CNTNAP2: variants seen among roughly 807,000 people sequenced by gnomAD.
CNTNAP2 encodes contactin-associated protein-like 2.
Under a neutral mutation model 155.2 loss-of-function variants are expected in CNTNAP2, and 98 were observed. The ratio of observed to expected loss-of-function variants is 0.63; its 90% CI spans 0.54 to 0.75. The LOEUF is 0.75. Among genes scored for constraint, CNTNAP2 ranks in the 30% least tolerant of loss-of-function variants. The pLI is 0.00. For synonymous variants in CNTNAP2, 651 were observed against 631.2 expected (o/e 1.03, Z -0.47); for missense variants, 1,727 against 1,688.1 (o/e 1.02, Z -0.40).
At chr7:147,165,522 G>A (rs1305843026) in intron 8 of CNTNAP2, among the ~76,000 whole-genome samples, 1 of 152,032 alleles carries the variant, frequency 6.6e-6, no homozygotes, top group East Asian at 1.9e-4. Context: ...TGTTTCTGTT[G>A]CATTTGCTTT....
At chr7:146,937,317 C>CTCCA (rs1161704766) in intron 3 of CNTNAP2, among the ~76,000 whole-genome samples, 1 of 150,470 alleles carries the variant, frequency 6.6e-6, no homozygotes, top group Non-Finnish European at 1.5e-5. Flanking sequence ...CGCCACTGCA[C>CTCCA]TCCAGCCTGG....
chr7:147,135,358 A>C (rs35332063), intron 8 of CNTNAP2, among the ~76,000 whole-genome samples: 14,732 of 151,816 alleles, frequency 0.097, 756 homozygotes, highest in Middle Eastern at 0.12. Context: ...GCCAAAAACA[A>C]ACAAACAAAC....
rs149065032 is a variant in CNTNAP2, at chr7:147,180,437, A to C, written c.1348+47928A>C. Among the ~76,000 whole-genome samples, 571 of 152,308 alleles carry C rather than the reference A, an allele frequency of 3.7e-3. 5 individuals are homozygous for C. Among genetic ancestry groups the C allele is most frequent in the African/African-American group, 0.013 (543 of 41,576 alleles). On this transcript the variant is annotated intron_variant, in intron 8 of 23. Coordinates refer to ENST00000361727, the MANE Select transcript of CNTNAP2 (RefSeq NM_014141.6). Reference sequence around the variant, plus strand: ...TTAGATACCAGAAAATCATGAGTTCATACTACAGTCCCTCTGCTGCCCCAT... The same window carrying C: ...TTAGATACCAGAAAATCATGAGTTCCTACTACAGTCCCTCTGCTGCCCCAT...
intron 8 of CNTNAP2, among the ~76,000 whole-genome samples, chr7:147,155,052 G>A (rs1208127047): frequency 6.6e-6 from 1 of 152,082 alleles, no homozygotes; most frequent in South Asian, 2.1e-4. Context: ...AGGTCTGAAT[G>A]TTTCTCCCCA....
chr7:147,989,817 C>G (rs1801679099), intron 15 of CNTNAP2, among the ~76,000 whole-genome samples: 1 of 152,170 alleles, frequency 6.6e-6, no homozygotes, highest in Non-Finnish European at 1.5e-5. Flanking sequence ...TCTTTGTCCA[C>G]TCAGCTGACA....
chr7:148,398,391 G>A (rs756795025), intron 22 of CNTNAP2, among the ~76,000 whole-genome samples: 19 of 152,316 alleles, frequency 1.2e-4, no homozygotes, highest in Non-Finnish European at 2.4e-4. Flanking sequence ...TGAAAACAGC[G>A]TCTTCTGCAA....
At chr7:148,266,539 C>A (rs910110482) in intron 20 of CNTNAP2, among the ~76,000 whole-genome samples, 26 of 152,208 alleles carry the variant, frequency 1.7e-4, no homozygotes, top group Non-Finnish European at 2.9e-4. Context: ...CAGGAGAAAT[C>A]ATTCTCATTG....
intron 8 of CNTNAP2, among the ~76,000 whole-genome samples, chr7:147,285,016 T>C (rs1805144711): frequency 6.6e-6 from 1 of 151,820 alleles, no homozygotes; most frequent in South Asian, 2.1e-4. Context: ...CCTGGGTGCA[T>C]CCTTTGAATA....
intron 21 of CNTNAP2, among the ~76,000 whole-genome samples, chr7:148,366,465 A>G (rs1233852461): frequency 6.6e-6 from 1 of 152,148 alleles, no homozygotes; most frequent in East Asian, 1.9e-4. Context: ...GTGGGTGATA[A>G]ATGAATGGGA....
intron 1 of CNTNAP2, among the ~76,000 whole-genome samples, chr7:146,381,987 C>G (rs1296074427): frequency 6.6e-6 from 1 of 152,136 alleles, no homozygotes; most frequent in Non-Finnish European, 1.5e-5. Context: ...TTCTTTGGAA[C>G]TTGAATGTTG....
chr7:147,969,653 G>A lies in CNTNAP2; in HGVS notation c.2256-8209G>A, dbSNP rs1801295801. Reference sequence around the variant, plus strand: ...ACTTGGACAGAGGGCATGTAGCAGAGAGGATACAGAAAGATGGAGCTGAGA... The same window carrying A: ...ACTTGGACAGAGGGCATGTAGCAGAAAGGATACAGAAAGATGGAGCTGAGA... On this transcript the variant is annotated intron_variant, in intron 14 of 23. Transcript: ENST00000361727. Among the ~76,000 whole-genome samples the A allele has an allele frequency of 2.0e-5, 3 of 152,236 alleles. No homozygotes were observed. In the South Asian group the frequency reaches 6.2e-4, roughly 32 times the overall value.
chr7:146,650,870 A>T (rs1799899135), intron 1 of CNTNAP2, among the ~76,000 whole-genome samples: 1 of 152,136 alleles, frequency 6.6e-6, no homozygotes, highest in Admixed American at 6.6e-5. Flanking sequence ...TTTCATTAGA[A>T]AACAGCCAGA....
Position 148,395,128 on chromosome 7 carries a change from C to CCG in CNTNAP2, c.3715+11241_3715+11242insGC, listed in dbSNP as rs1554429568. Among the ~76,000 whole-genome samples the CCG allele has an allele frequency of 1.4e-3, 194 of 143,156 alleles. 2 individuals carry two copies. The highest frequency in any genetic ancestry group is 4.4e-3 in the African/African-American group (173 of 39,016). The allele number at this position is 143,156 out of a possible 152,430, so 93.9% of individuals were successfully genotyped here. On this transcript the variant is annotated intron_variant, in intron 22 of 23. Coordinates refer to ENST00000361727, the MANE Select transcript of CNTNAP2 (RefSeq NM_014141.6). ...TTGAATGTTTCTGTTGACCCCCCCC[C>CCG]CTTATTGATTAGATTATGTGGCTTT... is the stretch of plus-strand genomic sequence containing the variant.
At chr7:147,495,341 A>G (rs545070196) in intron 11 of CNTNAP2, among the ~76,000 whole-genome samples, 1 of 152,336 alleles carries the variant, frequency 6.6e-6, no homozygotes, top group Admixed American at 6.5e-5. Context: ...AGCTTGAAGC[A>G]GAACTTTGGT....
At chr7:146,288,010 A>G (rs1318525971) in intron 1 of CNTNAP2, among the ~76,000 whole-genome samples, 1 of 152,168 alleles carries the variant, frequency 6.6e-6, no homozygotes, top group Non-Finnish European at 1.5e-5. Flanking sequence ...CACTTAAACA[A>G]GTGATAAAGA....
At chr7:147,160,459 G>A (rs961842651) in intron 8 of CNTNAP2, among the ~76,000 whole-genome samples, 5 of 152,000 alleles carry the variant, frequency 3.3e-5, no homozygotes, top group African/African-American at 1.2e-4. Flanking sequence ...CTCTGTCACT[G>A]TCAAGATTTT....
chr7:148,363,802 G>A (rs2116622715), intron 21 of CNTNAP2, among the ~76,000 whole-genome samples: 1 of 151,640 alleles, frequency 6.6e-6, no homozygotes, highest in African/African-American at 2.4e-5. Context: ...CCCTCAGCTT[G>A]CAGGGAGGTG....
chr7:147,685,607 A>G (rs976766555), intron 13 of CNTNAP2, among the ~76,000 whole-genome samples: 1 of 152,028 alleles, frequency 6.6e-6, no homozygotes, highest in Non-Finnish European at 1.5e-5. Flanking sequence ...GTGAAAAAAA[A>G]ACAGATGACA....
chr7:146,117,478 C>T (rs1052142414), intron 1 of CNTNAP2, among the ~76,000 whole-genome samples: 2 of 152,058 alleles, frequency 1.3e-5, no homozygotes, highest in Non-Finnish European at 2.9e-5. Flanking sequence ...AGTTAATGCC[C>T]ATTTAGTACT....
Sources: gnomAD v4.1 joint callset for allele counts (sites outside exome capture counted in the v4.1 genomes callset) on GRCh38, gnomAD v4.1.1 for gene constraint, MANE v1.5 for transcripts, NCBI Gene and HGNC (gene_info 2026-07-23, HGNC 2026-07-21) for gene names.